The following PCDH11Y variants were observed in gnomAD, a reference collection of about 807,000 sequenced individuals.
PCDH11Y encodes the protein protocadherin-11 Y-linked.
For synonymous variants in PCDH11Y, 9 were observed against 83.6 expected, an observed-to-expected ratio of 0.11 and a Z score of 4.87; for missense variants, 12 against 224.8, an observed-to-expected ratio of 0.05 and a Z score of 6.05.
chrY:5,470,854 A>G (rs2053313573), intron 2 of PCDH11Y, among the ~76,000 whole-genome samples: 1 of 31,619 alleles, frequency 3.2e-5, no homozygotes, highest in Non-Finnish European at 7.8e-5. Flanking sequence ...ACTGTAATGA[A>G]AAGTCTATAA....
intron 2 of PCDH11Y, among the ~76,000 whole-genome samples, chrY:5,150,661 T>C (rs2124643486): frequency 2.9e-5 from 1 of 33,989 alleles, no homozygotes; most frequent in South Asian, 6.3e-4. Context: ...ACACTCGCTT[T>C]ATGTTTCCTG....
chrY:5,564,360 C>A (rs2124695592), intron 3 of PCDH11Y, among the ~76,000 whole-genome samples: 1 of 32,997 alleles, frequency 3.0e-5, no homozygotes, highest in South Asian at 6.7e-4. Context: ...AGTGGGTATA[C>A]TGTAAAGTGG....
At chrY:5,306,232 A>G in intron 2 of PCDH11Y, among the ~76,000 whole-genome samples, 1 of 31,662 alleles carries the variant, frequency 3.2e-5, no homozygotes, top group Non-Finnish European at 7.7e-5. Context: ...ACTAATAAAT[A>G]AGGTACTGGA....
intron 2 of PCDH11Y, among the ~76,000 whole-genome samples, chrY:5,172,385 A>G (rs2052887871): frequency 3.1e-5 from 1 of 32,586 alleles, no homozygotes; most frequent in East Asian, 8.3e-4. Flanking sequence ...GATAAGATAT[A>G]GAAGGTGAGG....
intron 4 of PCDH11Y, among the ~76,000 whole-genome samples, chrY:5,731,342 G>A (rs2053604475): frequency 7.0e-4 from 23 of 32,819 alleles, no homozygotes; most frequent in Non-Finnish European, 6.1e-4. Context: ...ATCTCTTCCT[G>A]ATTCAATCTT....
chrY:5,429,944 A>T, intron 2 of PCDH11Y, among the ~76,000 whole-genome samples: 4 of 32,830 alleles, frequency 1.2e-4, no homozygotes, highest in Non-Finnish European at 3.0e-4. Context: ...TACTGGGATT[A>T]TAGGGGTGAG....
intron 2 of PCDH11Y, among the ~76,000 whole-genome samples, chrY:5,498,926 G>T: frequency 3.1e-5 from 1 of 32,766 alleles, no homozygotes; most frequent in Non-Finnish European, 7.4e-5. Context: ...GGAAGCCTAG[G>T]TGGGTGGATT....
chrY:5,497,167 G>T, intron 2 of PCDH11Y, among the ~76,000 whole-genome samples: 1 of 33,276 alleles, frequency 3.0e-5, no homozygotes, highest in Non-Finnish European at 7.4e-5. Context: ...ACCCAGTAAT[G>T]GGATGGCTGG....
chrY:5,625,570 T>TAAGAGCTGTG lies in PCDH11Y; in HGVS notation c.3352+43772_3352+43773insAAGAGCTGTG, dbSNP rs2053505902. Among the ~76,000 whole-genome samples, 38 of 26,547 alleles carry TAAGAGCTGTG rather than the reference T, an allele frequency of 1.4e-3. No homozygotes were observed. The East Asian group carries it at 0.036, about 25-fold the overall frequency. The allele number at this position is 26,547 out of a possible 37,273, so 71.2% of individuals were successfully genotyped here. A position where few individuals can be genotyped will look rare whatever the true frequency, so the allele number is the denominator to read the frequency against. On this transcript the variant is annotated intron_variant, in intron 4 of 4. Coordinates refer to the PCDH11Y transcript ENST00000400457. ...ATGTTGGCTGTGGGTTTGTCATAGA[T>TAAGAGCTGTG]GGCTCTTATTATTTTTATGTAAGTT...
chrY:5,423,313 T>C (rs2053260030), intron 2 of PCDH11Y, among the ~76,000 whole-genome samples: 1 of 32,964 alleles, frequency 3.0e-5, no homozygotes, highest in Admixed American at 2.8e-4. Flanking sequence ...GGAAGCCTTG[T>C]GCATTGTTGG....
At chrY:5,155,182 C>T in intron 2 of PCDH11Y, among the ~76,000 whole-genome samples, 1 of 31,274 alleles carries the variant, frequency 3.2e-5, no homozygotes, top group Non-Finnish European at 7.8e-5. Flanking sequence ...GAGTTGAGTT[C>T]AGAAAAAATG....
intron 2 of PCDH11Y, among the ~76,000 whole-genome samples, chrY:5,249,428 C>T (rs2053001318): frequency 3.2e-5 from 1 of 31,646 alleles, no homozygotes; most frequent in South Asian, 7.2e-4. Flanking sequence ...TCAGAAATAC[C>T]ACCACACATC....
At chrY:5,626,534 G>A in intron 4 of PCDH11Y, among the ~76,000 whole-genome samples, 1 of 32,206 alleles carries the variant, frequency 3.1e-5, no homozygotes, top group Admixed American at 2.9e-4. Context: ...CTTGGTGTGG[G>A]TGTTTAGGGC....
At chrY:5,380,578 AT>A (rs779039478) in intron 2 of PCDH11Y, among the ~76,000 whole-genome samples, 158 of 19,090 alleles carry the variant, frequency 8.3e-3, no homozygotes, top group African/African-American at 0.024. Context: ...CTTCAATAGC[AT>A]TTTTTTTTTT....
chrY:5,275,528 A>T, intron 2 of PCDH11Y, among the ~76,000 whole-genome samples: 1 of 32,681 alleles, frequency 3.1e-5, no homozygotes, highest in Non-Finnish European at 7.5e-5. Flanking sequence ...ACTCACATTG[A>T]CTTCAATAAA....
chrY:5,561,307 G>A (rs2053428340), intron 3 of PCDH11Y, among the ~76,000 whole-genome samples: 2 of 26,130 alleles, frequency 7.7e-5, no homozygotes, highest in Non-Finnish European at 1.8e-4. Flanking sequence ...TTGGACTGTG[G>A]ACTTTTGAGT....
chrY:5,229,647 A>C, intron 2 of PCDH11Y, among the ~76,000 whole-genome samples: 4 of 31,894 alleles, frequency 1.3e-4, no homozygotes, highest in Non-Finnish European at 2.3e-4. Flanking sequence ...TGTTTCTTGT[A>C]AGCAACAGAT....
At chrY:5,545,964 G>A (rs2053412689) in intron 3 of PCDH11Y, among the ~76,000 whole-genome samples, 51 of 32,369 alleles carry the variant, frequency 1.6e-3, no homozygotes, top group Non-Finnish European at 2.5e-3. Flanking sequence ...AAATCCACAG[G>A]AAAACCTAGT....
chrY:5,251,893 G>C, intron 2 of PCDH11Y, among the ~76,000 whole-genome samples: 1 of 32,250 alleles, frequency 3.1e-5, no homozygotes, highest in Non-Finnish European at 7.7e-5. Flanking sequence ...ACTCCTAGTC[G>C]GGATCTAAAT....
Sources: gnomAD v4.1 joint callset for allele counts (sites outside exome capture counted in the v4.1 genomes callset) on GRCh38, gnomAD v4.1.1 for gene constraint, MANE v1.5 for transcripts, NCBI Gene and HGNC (gene_info 2026-07-23, HGNC 2026-07-21) for gene names.